The following MIPOL1 variants were observed in gnomAD, a reference collection of about 807,000 sequenced individuals.
MIPOL1 encodes the protein mirror-image polydactyly 1.
In MIPOL1, 57 loss-of-function variants were observed where a neutral mutation model predicts 60.9. That is an observed-to-expected ratio of 0.94 (90% CI 0.76 to 1.17). The LOEUF is 1.17. Ranked by LOEUF, MIPOL1 falls within the 50% of genes most tolerant of loss-of-function variation. MIPOL1 has a pLI of 0.00. For missense variants in MIPOL1, 551 were observed against 511.6 expected, an observed-to-expected ratio of 1.08 and a Z score of -0.74; for synonymous variants, 179 against 168.8, an observed-to-expected ratio of 1.06 and a Z score of -0.47.
rs574745758 is a variant in MIPOL1 at position 37,445,945 on chromosome 14, C to T, written c.1031+22996C>T. On this transcript the variant is annotated intron_variant, in intron 11 of 12. Coordinates refer to ENST00000684589, the MANE Select transcript of MIPOL1 (RefSeq NM_001388067.1). ...ATTCAAGATGGATTAAAGACTTAAA[C>T]GTTAGACCTAAAACCATAAAAACCC... Among the ~76,000 whole-genome samples the T allele has an allele frequency of 6.0e-3, 911 of 152,118 alleles. 5 individuals are homozygous for T. The highest frequency in any genetic ancestry group is 0.02 in the African/African-American group (811 of 41,498).
chr14:37,445,954 T>C (rs1448627652), intron 11 of MIPOL1, among the ~76,000 whole-genome samples: 1 of 152,048 alleles, frequency 6.6e-6, no homozygotes, highest in African/African-American at 2.4e-5. Context: ...ACGTTAGACC[T>C]AAAACCATAA....
chr14:37,279,256 A>T (rs2083906735), intron 6 of MIPOL1, among the ~76,000 whole-genome samples: 1 of 148,796 alleles, frequency 6.7e-6, no homozygotes, highest in South Asian at 2.2e-4. Context: ...AGTTTGTATG[A>T]CATACGAGAT....
At chr14:37,310,846 G>A (rs1459962863) in intron 9 of MIPOL1, among the ~76,000 whole-genome samples, 1 of 152,124 alleles carries the variant, frequency 6.6e-6, no homozygotes, top group African/African-American at 2.4e-5. Flanking sequence ...GGAAGACTGT[G>A]GAAAACTCAA....
chr14:37,499,466 G>C (rs1017197874), intron 11 of MIPOL1, among the ~76,000 whole-genome samples: 5 of 152,150 alleles, frequency 3.3e-5, no homozygotes, highest in Non-Finnish European at 5.9e-5. Context: ...AGGCTGGTCA[G>C]TGTTTGCATA....
At chr14:37,477,891 G>A (rs915142293) in intron 11 of MIPOL1, among the ~76,000 whole-genome samples, 5 of 152,214 alleles carry the variant, frequency 3.3e-5, no homozygotes, top group South Asian at 4.1e-4. Context: ...TGATCACTGC[G>A]TGTTTTTGTT....
chr14:37,446,622 C>G (rs189362000), intron 11 of MIPOL1, among the ~76,000 whole-genome samples: 1 of 152,104 alleles, frequency 6.6e-6, no homozygotes, highest in Non-Finnish European at 1.5e-5. Flanking sequence ...GACACATGCA[C>G]ACGTATGTTT....
At chr14:37,475,854 G>T (rs1237658573) in intron 11 of MIPOL1, among the ~76,000 whole-genome samples, 1 of 152,114 alleles carries the variant, frequency 6.6e-6, no homozygotes, top group Non-Finnish European at 1.5e-5. Context: ...AAGTTAGGTG[G>T]TGTCAGTCCT....
chr14:37,484,574 G>C (rs1452721514), intron 11 of MIPOL1, among the ~76,000 whole-genome samples: 1 of 151,958 alleles, frequency 6.6e-6, no homozygotes, highest in East Asian at 1.9e-4. Flanking sequence ...TTGACCTCGT[G>C]ATCCGCCCCC....
intron 9 of MIPOL1, among the ~76,000 whole-genome samples, chr14:37,353,144 T>C (rs2153474877): frequency 6.9e-6 from 1 of 144,162 alleles, no homozygotes; most frequent in African/African-American, 2.6e-5. Flanking sequence ...AAAGGCTTTT[T>C]CTGCATCTAT....
intron 7 of MIPOL1, among the ~76,000 whole-genome samples, chr14:37,305,463 C>T (rs921510013): frequency 1.3e-5 from 2 of 151,684 alleles, no homozygotes; most frequent in African/African-American, 4.8e-5. Flanking sequence ...TGCTTTTGTA[C>T]TATGGAGGCA....
chr14:37,224,302 A>G (rs1297347908), intron 1 of MIPOL1, among the ~76,000 whole-genome samples: 1 of 152,148 alleles, frequency 6.6e-6, no homozygotes, highest in African/African-American at 2.4e-5. Context: ...CAACATAGCA[A>G]GACCCCATCT....
At chr14:37,436,841 A>G (rs767061005) in intron 11 of MIPOL1, among the ~76,000 whole-genome samples, 2 of 152,196 alleles carry the variant, frequency 1.3e-5, no homozygotes, top group African/African-American at 2.4e-5. Flanking sequence ...TCCAGATTCA[A>G]TTATATGTGA....
chr14:37,455,953 A>G (rs544744336), intron 11 of MIPOL1, among the ~76,000 whole-genome samples: 2 of 152,158 alleles, frequency 1.3e-5, no homozygotes, highest in South Asian at 2.1e-4. Context: ...TATTATATTT[A>G]TATGTTATTT....
At chr14:37,448,179 C>G (rs2094365406) in intron 11 of MIPOL1, among the ~76,000 whole-genome samples, 1 of 152,138 alleles carries the variant, frequency 6.6e-6, no homozygotes, top group African/African-American at 2.4e-5. Context: ...TGAGAGAACC[C>G]CAGTTAGGTG....
chr14:37,311,413 A>T (rs2087309778), intron 9 of MIPOL1, among the ~76,000 whole-genome samples: 1 of 152,164 alleles, frequency 6.6e-6, no homozygotes, highest in Admixed American at 6.6e-5. Flanking sequence ...AGAAGTTAAC[A>T]TTTGGTAATA....
intron 12 of MIPOL1, among the ~76,000 whole-genome samples, chr14:37,533,081 G>C (rs1425441030): frequency 6.6e-6 from 1 of 152,024 alleles, no homozygotes; most frequent in Non-Finnish European, 1.5e-5. Context: ...ATAAAGTATA[G>C]TCTATGATGA....
At chr14:37,240,978 A>G (rs1218417732) in intron 1 of MIPOL1, among the ~76,000 whole-genome samples, 1 of 151,756 alleles carries the variant, frequency 6.6e-6, no homozygotes, top group African/African-American at 2.4e-5. Flanking sequence ...CAGGTTTATT[A>G]TAAGAATTGA....
chr14:37,240,021 A>G (rs1972101737), intron 1 of MIPOL1, among the ~76,000 whole-genome samples: 1 of 152,028 alleles, frequency 6.6e-6, no homozygotes, highest in Non-Finnish European at 1.5e-5. Flanking sequence ...TAAATATTGT[A>G]TTTTTTGGTG....
intron 11 of MIPOL1, among the ~76,000 whole-genome samples, chr14:37,477,673 G>A (rs2094798204): frequency 6.6e-6 from 1 of 152,156 alleles, no homozygotes; most frequent in African/African-American, 2.4e-5. Flanking sequence ...CATTCAAAAT[G>A]CAGGGACACA....
Sources: allele counts gnomAD v4.1 joint callset (sites outside exome capture counted in the v4.1 genomes callset), GRCh38; gene constraint gnomAD v4.1.1; transcripts MANE v1.5; gene names NCBI Gene and HGNC (gene_info 2026-07-23, HGNC 2026-07-21).